The following CCDC192 variants were observed in gnomAD, a reference collection of about 807,000 sequenced individuals.
CCDC192 encodes coiled-coil domain containing 192.
chr5:127,841,612 GA>G (rs1364631272), intron 5 of CCDC192, among the ~76,000 whole-genome samples: 1 of 152,196 alleles, frequency 6.6e-6, no homozygotes, highest in Non-Finnish European at 1.5e-5. Flanking sequence ...TCTGGAGCAA[GA>G]AAGGCATGTT....
rs986450283 is a variant in CCDC192, at chr5:127,816,697, T to C, written c.411+18535T>C. 9.9e-5 allele frequency among the ~76,000 whole-genome samples: 15 copies of C among 152,246 alleles called. 1 individual carries two copies. Among genetic ancestry groups the C allele is most frequent in the Admixed American group, 3.3e-4 (5 of 15,288 alleles). On this transcript the variant is annotated intron_variant, in intron 5 of 6. Coordinates refer to ENST00000514853, the MANE Select transcript of CCDC192 (RefSeq NM_001317938.2). ...GTGAACAGAGGGCACATAGCAGCTA[T>C]TCTTATCTGAATTCTGGCATAAATG...
intron 5 of CCDC192, among the ~76,000 whole-genome samples, chr5:127,859,117 G>A (rs1054199038): frequency 2.0e-5 from 3 of 152,152 alleles, no homozygotes; most frequent in Non-Finnish European, 4.4e-5. Context: ...TGTGAAGAAA[G>A]ATCTATCCCT....
chr5:127,886,371 G>A (rs1041744174), intron 6 of CCDC192, among the ~76,000 whole-genome samples: 4 of 152,126 alleles, frequency 2.6e-5, no homozygotes, highest in African/African-American at 9.7e-5. Flanking sequence ...GTCACAGACT[G>A]AACTTGTATT....
chr5:127,796,169 T>C (rs1757154692), intron 3 of CCDC192, among the ~76,000 whole-genome samples: 1 of 152,204 alleles, frequency 6.6e-6, no homozygotes, highest in Admixed American at 6.5e-5. Flanking sequence ...TGGGCCAGTA[T>C]AGATAATGTG....
chr5:127,788,968 A>G (rs2126950805), intron 3 of CCDC192, among the ~76,000 whole-genome samples: 1 of 152,308 alleles, frequency 6.6e-6, no homozygotes, highest in Middle Eastern at 3.4e-3. Flanking sequence ...TAAGAGCTCT[A>G]CTTTTCTTCA....
At chr5:127,916,473 A>G (rs1283322758) in intron 6 of CCDC192, among the ~76,000 whole-genome samples, 1 of 152,252 alleles carries the variant, frequency 6.6e-6, no homozygotes, top group African/African-American at 2.4e-5. Context: ...GCCCAGATCT[A>G]TCAGAAGAAT....
At chr5:127,924,036 T>C (rs1753803823) in intron 6 of CCDC192, among the ~76,000 whole-genome samples, 1 of 152,208 alleles carries the variant, frequency 6.6e-6, no homozygotes, top group Non-Finnish European at 1.5e-5. Context: ...TAGTCACATA[T>C]CCTGTTATTT....
At position 127,798,255 on chromosome 5, in the gene CCDC192, G is replaced by T. The variant is rs76352513; in HGVS notation, c.411+93G>T. ...TGGAAAGAAGTTATAAATGAGTTTC[G>T]TCTGGAGCAAACCAAATCACAAGGC... On this transcript the variant is annotated intron_variant, in intron 5 of 6. Transcript: ENST00000514853. The T allele has an allele frequency of 2.2e-3, 886 of 394,630 alleles. 1 individual carries two copies. Among genetic ancestry groups the T allele is most frequent in the Non-Finnish European group, 2.8e-3 (620 of 223,094 alleles). The allele number at this position is 394,630 out of a possible 1,614,324, so 24.4% of individuals were successfully genotyped here. A position where few individuals can be genotyped will look rare whatever the true frequency, so the allele number is the denominator to read the frequency against.
chr5:127,927,758 A>G (rs963497936), intron 6 of CCDC192, among the ~76,000 whole-genome samples: 3 of 152,136 alleles, frequency 2.0e-5, no homozygotes, highest in African/African-American at 7.2e-5. Flanking sequence ...TTGCAATCCA[A>G]GTCCACTGGT....
intron 5 of CCDC192, among the ~76,000 whole-genome samples, chr5:127,846,315 T>C (rs895964968): frequency 6.6e-6 from 1 of 150,946 alleles, no homozygotes; most frequent in African/African-American, 2.4e-5. Context: ...AATTGTTAAA[T>C]GAATGAATAC....
At chr5:127,739,593 G>C (rs532475932) in intron 2 of CCDC192, 276 of 153,950 alleles carry the variant, frequency 1.8e-3, no homozygotes, top group Non-Finnish European at 2.9e-3. Context: ...CTCTGTGTGC[G>C]TAGGACCCTC....
At chr5:127,865,828 T>G (rs1751585148) in intron 5 of CCDC192, among the ~76,000 whole-genome samples, 1 of 152,016 alleles carries the variant, frequency 6.6e-6, no homozygotes, top group South Asian at 2.1e-4. Flanking sequence ...TCTATCGTTG[T>G]CAAGATCACA....
intron 5 of CCDC192, among the ~76,000 whole-genome samples, chr5:127,840,749 T>C (rs1166783490): frequency 1.3e-5 from 2 of 152,126 alleles, no homozygotes; most frequent in African/African-American, 4.8e-5. Flanking sequence ...GCAAGACTAG[T>C]GAAAGAGAAA....
intron 2 of CCDC192, among the ~76,000 whole-genome samples, chr5:127,725,621 T>C (rs1013418537): frequency 6.6e-6 from 1 of 152,170 alleles, no homozygotes; most frequent in South Asian, 2.1e-4. Context: ...AAACTAACCA[T>C]ATTTTAAGTA....
rs10040314 is a variant in CCDC192 at position 127,811,105 on chromosome 5, A to T, written c.411+12943A>T. 5.3e-3 allele frequency among the ~76,000 whole-genome samples: 802 copies of T among 152,270 alleles called. 3 individuals carry two copies. Among genetic ancestry groups the T allele is most frequent in the African/African-American group, 0.019 (784 of 41,560 alleles). On this transcript the variant is annotated intron_variant, in intron 5 of 6. Coordinates refer to ENST00000514853, the MANE Select transcript of CCDC192 (RefSeq NM_001317938.2). Reference sequence around the variant, plus strand: ...TGCCTATTTCAGGTCTTATTACCCAAAGGACCTGTGTACAAGTGGAGTACG... The same window carrying T: ...TGCCTATTTCAGGTCTTATTACCCATAGGACCTGTGTACAAGTGGAGTACG...
chr5:127,855,667 A>G (rs1334417032), intron 5 of CCDC192, among the ~76,000 whole-genome samples: 1 of 152,270 alleles, frequency 6.6e-6, no homozygotes, highest in Non-Finnish European at 1.5e-5. Context: ...TGTATTTCTT[A>G]AATATTAAGA....
At chr5:127,856,427 C>A (rs563291838) in intron 5 of CCDC192, among the ~76,000 whole-genome samples, 56 of 152,310 alleles carry the variant, frequency 3.7e-4, no homozygotes, top group African/African-American at 1.3e-3. Context: ...AGACTACTCA[C>A]ATTTTCTCCA....
chr5:127,767,872 C>T (rs1277679040), intron 3 of CCDC192, among the ~76,000 whole-genome samples: 1 of 152,106 alleles, frequency 6.6e-6, no homozygotes, highest in Non-Finnish European at 1.5e-5. Context: ...CGTATGTCAG[C>T]CCCGCAATTA....
chr5:127,769,573 C>T (rs968655078), intron 3 of CCDC192, among the ~76,000 whole-genome samples: 1 of 152,036 alleles, frequency 6.6e-6, no homozygotes, highest in African/African-American at 2.4e-5. Flanking sequence ...AGAAACAAAT[C>T]CTCAGATCTC....
Sources: allele counts gnomAD v4.1 joint callset (sites outside exome capture counted in the v4.1 genomes callset), GRCh38; gene constraint gnomAD v4.1.1; transcripts MANE v1.5; gene names NCBI Gene and HGNC (gene_info 2026-07-23, HGNC 2026-07-21).